Variants in SYCE1 observed in about 807,000 individuals in gnomAD.
SYCE1 encodes synaptonemal complex central element protein 1, also known as cancer/testis antigen 76.
SYCE1 carries 37 observed loss-of-function variants against 55.1 expected under a neutral mutation model. The observed-to-expected ratio is 0.67, with a 90% CI of 0.52 to 0.88. The LOEUF (loss-of-function observed/expected upper bound fraction) is 0.88, where lower values mean the gene tolerates loss of function less well. SYCE1 is among the 40% of genes least tolerant of loss of function. The pLI, the probability that SYCE1 is intolerant of heterozygous loss-of-function variation, is 0.00. For synonymous variants in SYCE1, 163 were observed against 159.4 expected, an observed-to-expected ratio of 1.02 and a Z score of -0.17; for missense variants, 399 against 416.4, an observed-to-expected ratio of 0.96 and a Z score of 0.36.
chr10:133,557,476 G>C, intron 6 of SYCE1: 1 of 493,126 alleles, frequency 2.0e-6, no homozygotes, highest in Non-Finnish European at 3.6e-6. Flanking sequence ...TCAGGAGGTG[G>C]AGAAATGGAT....
upstream of SYCE1, among the ~76,000 whole-genome samples, chr10:133,567,217 G>T (rs1333379435): frequency 6.6e-6 from 1 of 151,530 alleles, no homozygotes; most frequent in Non-Finnish European, 1.5e-5. Context: ...AGGGTTAGGG[G>T]TTTGTGTCGG....
At chr10:133,564,308 C>G (rs1172308542) in intron 1 of SYCE1, 1 of 873,566 alleles carries the variant, frequency 1.1e-6, no homozygotes, top group Non-Finnish European at 1.4e-6. Context: ...GCACCTTGAT[C>G]TTGAACTTCT....
chr10:133,568,058 CG>C (rs1564861677), upstream of SYCE1: 2 of 642,668 alleles, frequency 3.1e-6, no homozygotes, highest in Admixed American at 2.2e-5. Flanking sequence ...CGGTGCGGCC[CG>C]GGGGCCAGAT....
At chr10:133,557,996 G>A in intron 5 of SYCE1, 78 bp from the exon 6 acceptor site, 2 of 1,569,388 alleles carry the variant, frequency 1.3e-6, no homozygotes. Flanking sequence ...GCCAGATCAT[G>A]TCAGGTCTGT....
chr10:133,566,375 C>T (rs1050035572), upstream of SYCE1, among the ~76,000 whole-genome samples: 2 of 151,400 alleles, frequency 1.3e-5, no homozygotes, highest in African/African-American at 4.8e-5. Context: ...TAAAAGGTTA[C>T]CTTAGGGTTT....
At chr10:133,554,265 A>G (rs777955141), downstream of SYCE1, 3 of 1,611,552 alleles carry the variant, frequency 1.9e-6, no homozygotes, top group Admixed American at 3.3e-5. Flanking sequence ...CCATGGAAAC[A>G]GTGCTCTGCA....
chr10:133,568,215 G>A (rs1342107701), upstream of SYCE1: 3 of 1,229,638 alleles, frequency 2.4e-6, no homozygotes, highest in Non-Finnish European at 3.5e-6. Context: ...AGCCGGTCCT[G>A]TTGCCTCCGG....
upstream of SYCE1, among the ~76,000 whole-genome samples, chr10:133,565,975 C>G (rs927504445): frequency 7.2e-5 from 11 of 152,236 alleles, no homozygotes; most frequent in African/African-American, 2.7e-4. Context: ...CGGGACCACA[C>G]CGCCGCGGGA....
chr10:133,557,107 A>C lies in SYCE1; in HGVS notation c.424T>G (p.Leu142Val), dbSNP rs1851703274. The change falls in exon 7 of 13, where the codon TTG becomes GTG. Residue 142 changes from leucine to valine, a missense_variant. Transcript: ENST00000343131. ...TTGTTCTTCTCTTCTTCAATCTGCA[A>C]GTTCAGGGCAGAAATTCTCTCCTTG... The part of the protein sequence containing the change: ...ECKERISALN[L>V]QIEEEKNKQR... The C allele has an allele frequency of 6.2e-7, 1 of 1,614,000 alleles. No individual in the cohort carries two copies. The highest frequency in any genetic ancestry group is 2.2e-5 in the East Asian group (1 of 44,890).
chr10:133,559,514 TG>T (rs776798950), intron 2 of SYCE1, 154 bp from the exon 3 acceptor site: 6 of 683,524 alleles, frequency 8.8e-6, no homozygotes, highest in Non-Finnish European at 1.6e-5. Context: ...ACGTTCTGGG[TG>T]GGCAAGACTG....
chr10:133,565,499 C>A lies in SYCE1; in HGVS notation c.31G>T (p.Glu11Ter). MAGRSLTSKA[E>*]PTAGAVDRAE... ...CTGTCCACGGCTCCTGCGGTGGGCT[C>A]GGCCTTCGATGTCAGGGACCTCCCC... The change falls in exon 1 of 13, where the codon GAG (glutamate) becomes TAG (stop). Residue 11 changes from glutamate (E) to a stop codon, truncating the protein, a stop_gained. Transcript: ENST00000343131. LOFTEE classifies it high-confidence loss of function. The A allele has an allele frequency of 6.5e-7, 1 of 1,550,142 alleles. No homozygotes were observed. The highest frequency in any genetic ancestry group is 8.7e-7 in the Non-Finnish European group (1 of 1,146,804).
chr10:133,554,768 A>G (rs969545967), downstream of SYCE1: 3 of 1,442,670 alleles, frequency 2.1e-6, no homozygotes, highest in African/African-American at 4.2e-5. Context: ...CCACTGTGAG[A>G]GCGTCTCGGG....
upstream of SYCE1, chr10:133,568,125 C>A (rs773000829): frequency 1.0e-5 from 8 of 792,292 alleles, no homozygotes; most frequent in African/African-American, 1.2e-4. Flanking sequence ...GCACTGAGGG[C>A]GCCACCCAGC....
chr10:133,556,669 T>C (rs1851690498), intron 8 of SYCE1, 90 bp downstream of exon 8: 1 of 1,366,496 alleles, frequency 7.3e-7, no homozygotes, highest in Middle Eastern at 1.8e-4. Context: ...TGGCGACTGG[T>C]TGTGGCAGGT....
upstream of SYCE1, among the ~76,000 whole-genome samples, chr10:133,567,005 T>G (rs913593215): frequency 6.6e-6 from 1 of 151,624 alleles, no homozygotes; most frequent in African/African-American, 2.4e-5. Context: ...TGTTAGGATT[T>G]GTGGTTACGG....
chr10:133,557,675 G>A, intron 6 of SYCE1, 189 bp downstream of exon 6: 1 of 620,384 alleles, frequency 1.6e-6, no homozygotes. Flanking sequence ...TGAATGTCTT[G>A]CCATTGAGAG....
At chr10:133,568,138 G>T, upstream of SYCE1, 1 of 834,678 alleles carries the variant, frequency 1.2e-6, no homozygotes, top group Non-Finnish European at 2.0e-6. Context: ...CACCCAGCCC[G>T]ACACAGAGGC....
At chr10:133,560,351 C>A in intron 1 of SYCE1, 198 bp from the exon 2 acceptor site, 2 of 486,778 alleles carry the variant, frequency 4.1e-6, no homozygotes, top group Admixed American at 3.8e-5. Flanking sequence ...ACCAGATATC[C>A]TCTTTGTAAA....
intron 1 of SYCE1, among the ~76,000 whole-genome samples, chr10:133,563,620 G>A (rs1300391399): frequency 6.6e-6 from 1 of 151,196 alleles, no homozygotes; most frequent in Non-Finnish European, 1.5e-5. Flanking sequence ...AGGCCAGGAG[G>A]TCAAGGCTGC....
Sources: gnomAD v4.1 joint callset for allele counts (sites outside exome capture counted in the v4.1 genomes callset) on GRCh38, gnomAD v4.1.1 for gene constraint, MANE v1.5 for transcripts, NCBI Gene and HGNC (gene_info 2026-07-23, HGNC 2026-07-21) for gene names.